BLNK: variants seen among roughly 807,000 people sequenced by gnomAD.
The protein encoded by BLNK is B cell linker.
BLNK carries 29 observed loss-of-function variants against 73.5 expected under a neutral mutation model. The ratio of observed to expected loss-of-function variants is 0.39; its 90% CI spans 0.29 to 0.54. The LOEUF is 0.54. Among genes scored for constraint, BLNK ranks in the 20% least tolerant of loss-of-function variants. The probability of loss-of-function intolerance (pLI) is 0.61; values close to 1 mark genes in which losing one functional copy is unlikely to be tolerated. For missense variants in BLNK, 460 were observed against 562.8 expected (o/e 0.82, Z 1.85); for synonymous variants, 176 against 200.8 (o/e 0.88, Z 1.04).
intron 2 of BLNK, 141 bp from the exon 3 acceptor site, chr10:96,242,925 G>T: frequency 1.3e-6 from 1 of 785,480 alleles, no homozygotes; most frequent in Non-Finnish European, 2.3e-6. Flanking sequence ...GGACAGATTT[G>T]ATGTATTGTA....
chr10:96,214,361 G>A (rs2084015168), intron 8 of BLNK, among the ~76,000 whole-genome samples: 1 of 152,146 alleles, frequency 6.6e-6, no homozygotes, highest in Non-Finnish European at 1.5e-5. Context: ...GGGTAGGGGT[G>A]ACATGGCAAA....
intron 7 of BLNK, 120 bp downstream of exon 7, chr10:96,216,533 C>T: frequency 1.2e-6 from 1 of 850,166 alleles, no homozygotes; most frequent in Non-Finnish European, 2.0e-6. Flanking sequence ...CACTGTGGCC[C>T]AGGGGAGAAA....
intron 1 of BLNK, among the ~76,000 whole-genome samples, chr10:96,259,670 CT>C (rs57821919): frequency 5.8e-4 from 26 of 44,872 alleles, no homozygotes; most frequent in African/African-American, 1.9e-3. Context: ...CACACCCTAC[CT>C]TTTTTTTTTT....
intron 3 of BLNK, among the ~76,000 whole-genome samples, 173 bp downstream of exon 3, chr10:96,242,562 A>G (rs185157580): frequency 6.6e-6 from 1 of 152,242 alleles, no homozygotes; most frequent in South Asian, 2.1e-4. Flanking sequence ...GGATAAAAAA[A>G]CTACATCTCC....
At chr10:96,252,336 C>T (rs1401942454) in intron 1 of BLNK, among the ~76,000 whole-genome samples, 6 of 152,198 alleles carry the variant, frequency 3.9e-5, no homozygotes, top group Non-Finnish European at 5.9e-5. Flanking sequence ...CAGGCATGAG[C>T]CACCATGCCC....
At chr10:96,240,739 T>A (rs1212445018) in intron 3 of BLNK, among the ~76,000 whole-genome samples, 3 of 152,076 alleles carry the variant, frequency 2.0e-5, no homozygotes, top group African/African-American at 7.2e-5. Context: ...AGGTGAATGG[T>A]GGTGGGATAG....
chr10:96,240,268 A>G (rs1842841633), intron 3 of BLNK, among the ~76,000 whole-genome samples: 1 of 152,160 alleles, frequency 6.6e-6, no homozygotes, highest in South Asian at 2.1e-4. Flanking sequence ...CACAGGACAC[A>G]CTCATGAAAC....
At chr10:96,241,375 G>A (rs1313597065) in intron 3 of BLNK, among the ~76,000 whole-genome samples, 6 of 152,152 alleles carry the variant, frequency 3.9e-5, no homozygotes, top group East Asian at 1.9e-4. Context: ...ATCTTCCAAC[G>A]TATTTGTTCT....
At chr10:96,252,046 A>G (rs1366792107) in intron 1 of BLNK, among the ~76,000 whole-genome samples, 3 of 151,306 alleles carry the variant, frequency 2.0e-5, no homozygotes, top group Non-Finnish European at 4.4e-5. Context: ...TTATGTTTTT[A>G]TTTTTATTAT....
chr10:96,259,739 T>C (rs116243334), intron 1 of BLNK, among the ~76,000 whole-genome samples: 2,307 of 144,768 alleles, frequency 0.016, 65 homozygotes, highest in African/African-American at 0.056. Context: ...TATTTTGTGG[T>C]AGTCTTTGGC....
intron 3 of BLNK, among the ~76,000 whole-genome samples, chr10:96,236,439 AGAG>A (rs782294408): frequency 9.9e-5 from 15 of 152,198 alleles, no homozygotes; most frequent in Non-Finnish European, 2.1e-4. Flanking sequence ...TGCCGCCCTA[AGAG>A]GAGAAAGGGA....
intron 3 of BLNK, among the ~76,000 whole-genome samples, chr10:96,239,359 T>G (rs1397751965): frequency 6.6e-6 from 1 of 152,118 alleles, no homozygotes; most frequent in East Asian, 1.9e-4. Context: ...CTGCATAATA[T>G]AGATGAGGAA....
At chr10:96,258,738 A>G (rs1366751316) in intron 1 of BLNK, among the ~76,000 whole-genome samples, 1 of 152,190 alleles carries the variant, frequency 6.6e-6, no homozygotes, top group Non-Finnish European at 1.5e-5. Flanking sequence ...TGGAAAATCA[A>G]TAACGGTAAA....
intron 1 of BLNK, among the ~76,000 whole-genome samples, chr10:96,270,839 A>C (rs1255802644): frequency 6.6e-5 from 10 of 152,202 alleles, no homozygotes; most frequent in Non-Finnish European, 1.2e-4. Context: ...TTACATTGAC[A>C]TGAGGGCATT....
chr10:96,254,161 A>C (rs1554910212), intron 1 of BLNK, among the ~76,000 whole-genome samples: 1 of 152,206 alleles, frequency 6.6e-6, no homozygotes, highest in Non-Finnish European at 1.5e-5. Context: ...TCCCCCATCC[A>C]CCATAGCCTG....
chr10:96,193,944 T>C (rs2083393949), intron 16 of BLNK, among the ~76,000 whole-genome samples: 1 of 152,200 alleles, frequency 6.6e-6, no homozygotes, highest in African/African-American at 2.4e-5. Context: ...TATAGATACT[T>C]TAAGTAAGAG....
At position 96,200,281 on chromosome 10, in the gene BLNK, TA is replaced by T; in HGVS notation, c.1012-124del. On this transcript the variant is annotated intron_variant, in intron 14 of 16. Transcript: ENST00000224337. The surrounding 1 kb of genome is among the most constrained non-coding windows in gnomAD (Gnocchi z 4.3). ...GCCTCTACATTTACACCAATAATTT[TA>T]AGATGAGTTTTATTTTTCCTTTGAT... is the stretch of plus-strand genomic sequence containing the variant. 1 of 656,716 alleles carries T rather than the reference TA, an allele frequency of 1.5e-6. No homozygotes were observed. The highest frequency in any genetic ancestry group is 2.0e-5 in the South Asian group (1 of 49,186). The allele number at this position is 656,716 out of a possible 1,614,324, so 40.7% of individuals were successfully genotyped here. A position where few individuals can be genotyped will look rare whatever the true frequency, so the allele number is the denominator to read the frequency against.
At position 96,248,263 on chromosome 10, in the gene BLNK, C is replaced by A. The variant is rs561934261; in HGVS notation, c.48-1214G>T. ...AAACTACGATTATTTTTGCACCAGC[C>A]TTTCTCGATTTACAAAGAAATCTTA... On this transcript the variant is annotated intron_variant, in intron 1 of 16. Transcript: ENST00000224337. Among the ~76,000 whole-genome samples, 352 of 152,282 alleles carry A rather than the reference C, an allele frequency of 2.3e-3. 2 individuals carry two copies. The highest frequency in any genetic ancestry group is 3.9e-3 in the Non-Finnish European group (265 of 68,024).
chr10:96,258,698 A>G (rs1554911847), intron 1 of BLNK, among the ~76,000 whole-genome samples: 1 of 152,174 alleles, frequency 6.6e-6, no homozygotes, highest in East Asian at 1.9e-4. Flanking sequence ...CATTGCTGAG[A>G]GAAGCATCAT....
Sources: allele counts gnomAD v4.1 joint callset (sites outside exome capture counted in the v4.1 genomes callset), GRCh38; gene constraint gnomAD v4.1.1; non-coding constraint Gnocchi (gnomAD v3.1); transcripts MANE v1.5; gene names NCBI Gene and HGNC (gene_info 2026-07-23, HGNC 2026-07-21).